The following KIF16B variants were observed in gnomAD, a reference collection of about 807,000 sequenced individuals.
The protein encoded by KIF16B is kinesin-like protein KIF16B.
Under a neutral mutation model 156.3 loss-of-function variants are expected in KIF16B, and 98 were observed. The ratio of observed to expected loss-of-function variants is 0.63; its 90% confidence interval spans 0.53 to 0.74. The LOEUF (loss-of-function observed/expected upper bound fraction) is 0.74, where lower values mean the gene tolerates loss of function less well. Among genes scored for constraint, KIF16B ranks in the 30% least tolerant of loss-of-function variants. The probability of loss-of-function intolerance (pLI) is 0.00; values close to 1 mark genes in which losing one functional copy is unlikely to be tolerated. For synonymous variants in KIF16B, 564 were observed against 583.7 expected (o/e 0.97, Z 0.49); for missense variants, 1,421 against 1,606.5 (o/e 0.88, Z 1.97).
At chr20:16,546,575 G>C (rs965327933) in intron 1 of KIF16B, among the ~76,000 whole-genome samples, 4 of 152,068 alleles carry the variant, frequency 2.6e-5, no homozygotes, top group Non-Finnish European at 1.5e-5. Context: ...GGTGCAAGTG[G>C]AATCTAGAAA....
At chr20:16,520,244 A>AC (rs1320913559) in intron 3 of KIF16B, among the ~76,000 whole-genome samples, 2 of 151,168 alleles carry the variant, frequency 1.3e-5, no homozygotes, top group Non-Finnish European at 2.9e-5. Context: ...AGCAAATCCC[A>AC]CCCCCACAGA....
chr20:16,541,041 T>G (rs1340816542), intron 1 of KIF16B, among the ~76,000 whole-genome samples: 1 of 152,242 alleles, frequency 6.6e-6, no homozygotes, highest in Admixed American at 6.5e-5. Flanking sequence ...AGAAGCTCCA[T>G]AAGTTTGTGT....
chr20:16,349,970 T>G (rs969453199), intron 23 of KIF16B, among the ~76,000 whole-genome samples: 7 of 152,206 alleles, frequency 4.6e-5, no homozygotes, highest in African/African-American at 1.7e-4. Flanking sequence ...TAGCAGATGG[T>G]CGACAAGTTT....
At chr20:16,374,510 G>A (rs1338206232) in intron 19 of KIF16B, 101 bp from the exon 20 acceptor site, 11 of 1,112,872 alleles carry the variant, frequency 9.9e-6, no homozygotes, top group Non-Finnish European at 1.2e-5. Context: ...AACAAGATCT[G>A]TCCTCTGTGT....
chr20:16,485,235 C>G (rs1013482213), intron 12 of KIF16B, among the ~76,000 whole-genome samples: 1 of 152,150 alleles, frequency 6.6e-6, no homozygotes, highest in African/African-American at 2.4e-5. Flanking sequence ...CCATTCAACT[C>G]CAGGGCATGA....
intron 19 of KIF16B, among the ~76,000 whole-genome samples, chr20:16,377,198 G>C (rs2064973175): frequency 6.6e-6 from 1 of 152,086 alleles, no homozygotes; most frequent in East Asian, 1.9e-4. Flanking sequence ...CCCCTTAGGA[G>C]GTGCTGTGGG....
chr20:16,511,639 C>A, intron 5 of KIF16B, 112 bp from the exon 6 acceptor site: 1 of 632,506 alleles, frequency 1.6e-6, no homozygotes, highest in Non-Finnish European at 2.8e-6. Context: ...CAGCAGTTAC[C>A]ATTTATGAGT....
At chr20:16,556,700 A>G (rs2070863007) in intron 1 of KIF16B, among the ~76,000 whole-genome samples, 1 of 152,106 alleles carries the variant, frequency 6.6e-6, no homozygotes, top group South Asian at 2.1e-4. Flanking sequence ...CACCCATTGC[A>G]TGTTCCAGGC....
At chr20:16,335,786 T>G (rs1015291953) in intron 24 of KIF16B, 140 bp downstream of exon 24, 1 of 490,948 alleles carries the variant, frequency 2.0e-6, no homozygotes, top group Admixed American at 3.8e-5. Flanking sequence ...AAATGGGTTA[T>G]TGAAGTAAGA....
At chr20:16,354,185 C>T (rs968399999) in intron 23 of KIF16B, among the ~76,000 whole-genome samples, 4 of 152,186 alleles carry the variant, frequency 2.6e-5, no homozygotes, top group Non-Finnish European at 5.9e-5. Flanking sequence ...TAAATCAATG[C>T]AGTTTTTAAA....
chr20:16,396,623 T>C (rs781661649), intron 17 of KIF16B, among the ~76,000 whole-genome samples: 2 of 149,992 alleles, frequency 1.3e-5, no homozygotes, highest in Non-Finnish European at 2.9e-5. Context: ...GGCTAGAAGG[T>C]ATGGTAACAT....
chr20:16,537,989 C>G (rs1002421337), intron 1 of KIF16B, among the ~76,000 whole-genome samples: 1 of 152,160 alleles, frequency 6.6e-6, no homozygotes, highest in East Asian at 1.9e-4. Flanking sequence ...CAGGCATGAG[C>G]CACCATGCCC....
At chr20:16,566,812 T>TA (rs565939483) in intron 1 of KIF16B, among the ~76,000 whole-genome samples, 2 of 152,374 alleles carry the variant, frequency 1.3e-5, no homozygotes, top group South Asian at 4.1e-4. Context: ...GAAATGTGCC[T>TA]AATGCAATTA....
intron 15 of KIF16B, among the ~76,000 whole-genome samples, chr20:16,423,571 C>T (rs1373820274): frequency 2.6e-5 from 4 of 152,102 alleles, no homozygotes; most frequent in Non-Finnish European, 5.9e-5. Flanking sequence ...CAGTACAAGC[C>T]TCTTGTAAAA....
At chr20:16,520,835 C>T (rs1026680441) in intron 3 of KIF16B, among the ~76,000 whole-genome samples, 1 of 152,160 alleles carries the variant, frequency 6.6e-6, no homozygotes, top group African/African-American at 2.4e-5. Context: ...GAGGAAGGAA[C>T]AGGCAGCATA....
intron 25 of KIF16B, among the ~76,000 whole-genome samples, chr20:16,311,943 C>T (rs2063625250): frequency 6.6e-6 from 1 of 152,138 alleles, no homozygotes; most frequent in Non-Finnish European, 1.5e-5. Flanking sequence ...TTCCAACTCT[C>T]CTGAAAAAGC....
At chr20:16,414,942 G>A (rs1441601012) in intron 15 of KIF16B, among the ~76,000 whole-genome samples, 2 of 152,154 alleles carry the variant, frequency 1.3e-5, no homozygotes, top group Non-Finnish European at 2.9e-5. Context: ...CTTTGCGTTA[G>A]ATGATTTTGC....
At chr20:16,307,032 A>G (rs1053074410) in intron 25 of KIF16B, among the ~76,000 whole-genome samples, 2 of 152,174 alleles carry the variant, frequency 1.3e-5, no homozygotes, top group South Asian at 2.1e-4. Context: ...CTTTCGATCT[A>G]TCTTAATGCT....
At chr20:16,380,297 G>T (rs2065064560) in intron 18 of KIF16B, 134 bp from the exon 19 acceptor site, 3 of 755,878 alleles carry the variant, frequency 4.0e-6, no homozygotes, top group East Asian at 3.2e-5. Flanking sequence ...AAGAGTAACT[G>T]CTTTCCTTTA....
Sources: gnomAD v4.1 joint callset for allele counts (sites outside exome capture counted in the v4.1 genomes callset) on GRCh38, gnomAD v4.1.1 for gene constraint, MANE v1.5 for transcripts, NCBI Gene and HGNC (gene_info 2026-07-23, HGNC 2026-07-21) for gene names.